The following NR2C2 variants were observed in gnomAD, a reference collection of about 807,000 sequenced individuals.
NR2C2 encodes Nuclear hormone receptor TR4.
In NR2C2, 6 loss-of-function variants were observed where a neutral mutation model predicts 62.9. The ratio of observed to expected loss-of-function variants is 0.10; its 90% CI spans 0.05 to 0.19. The LOEUF is 0.19. Among genes scored for constraint, NR2C2 ranks in the 10% least tolerant of loss-of-function variants. NR2C2 has a pLI of 1.00. For synonymous variants in NR2C2, 272 were observed against 273.8 expected, an observed-to-expected ratio of 0.99 and a Z score of 0.07; for missense variants, 479 against 762.7, an observed-to-expected ratio of 0.63 and a Z score of 4.38.
chr3:15,000,086 T>A (rs948420898), intron 1 of NR2C2, among the ~76,000 whole-genome samples: 3 of 152,092 alleles, frequency 2.0e-5, no homozygotes, highest in Admixed American at 2.0e-4. Flanking sequence ...TTAACTGTAT[T>A]CGCCATGCTG....
chr3:14,998,697 G>A (rs898604741), intron 1 of NR2C2, among the ~76,000 whole-genome samples: 1 of 151,798 alleles, frequency 6.6e-6, no homozygotes, highest in African/African-American at 2.4e-5. Flanking sequence ...TTCCTTGATG[G>A]TGTCTTTTGA....
intron 10 of NR2C2, among the ~76,000 whole-genome samples, chr3:15,032,823 C>T (rs949636429): frequency 3.3e-5 from 5 of 152,138 alleles, no homozygotes; most frequent in African/African-American, 1.2e-4. Flanking sequence ...AAACTGAAGC[C>T]AGGCCGGGAA....
chr3:14,970,264 CGGGGGTG>C (rs1340946294), intron 1 of NR2C2, among the ~76,000 whole-genome samples: 5 of 17,960 alleles, frequency 2.8e-4, no homozygotes, highest in Admixed American at 7.7e-4. Flanking sequence ...TTTTGGGGGC[CGGGGGTG>C]GGGGGTGGGG....
At chr3:14,951,639 G>A (rs1361859385) in intron 1 of NR2C2, among the ~76,000 whole-genome samples, 1 of 152,036 alleles carries the variant, frequency 6.6e-6, no homozygotes, top group Non-Finnish European at 1.5e-5. Flanking sequence ...ATTGCTTTCA[G>A]TAGTTGTATT....
intron 1 of NR2C2, among the ~76,000 whole-genome samples, chr3:14,984,461 A>G (rs1394166365): frequency 6.6e-6 from 1 of 152,198 alleles, no homozygotes; most frequent in Non-Finnish European, 1.5e-5. Context: ...TCTTCTGAGT[A>G]TAGCTCTAGC....
intron 4 of NR2C2, among the ~76,000 whole-genome samples, chr3:15,018,349 C>G (rs955661248): frequency 8.5e-5 from 13 of 152,176 alleles, no homozygotes; most frequent in African/African-American, 3.1e-4. Flanking sequence ...ACCATGCAAA[C>G]TGTACACCTG....
At position 15,043,091 on chromosome 3, in the gene NR2C2, G is replaced by A. The variant is rs1403935561; in HGVS notation, c.*83G>A. 1.9e-5 allele frequency: 25 copies of A among 1,338,388 alleles called. No individual in the cohort carries two copies. The highest frequency in any genetic ancestry group is 2.3e-5 in the Non-Finnish European group (23 of 995,644). 82.9% of individuals were successfully genotyped at this position (1,338,388 alleles called of 1,614,324 possible). ...AAGAAAAGTAGTGGTATTTTGGTAT[G>A]TGCAAATATTTCCATATGTTAGCCA... On this transcript the variant is annotated 3_prime_UTR_variant, in exon 14 of 14. Transcript: ENST00000425241.
intron 1 of NR2C2, among the ~76,000 whole-genome samples, chr3:14,965,634 C>T (rs1294660018): frequency 5.3e-5 from 7 of 132,314 alleles, no homozygotes; most frequent in African/African-American, 2.2e-4. Flanking sequence ...CCTAGATTTC[C>T]TTGCTGTTTT....
intron 2 of NR2C2, among the ~76,000 whole-genome samples, chr3:15,006,933 G>A (rs1286306343): frequency 6.6e-6 from 1 of 150,464 alleles, no homozygotes; most frequent in African/African-American, 2.4e-5. Context: ...GCGCCACCAC[G>A]CCAGGCTAAT....
intron 7 of NR2C2, chr3:15,025,653 T>C (rs1408573244): frequency 6.6e-6 from 1 of 152,244 alleles, no homozygotes; most frequent in Non-Finnish European, 1.5e-5. Context: ...TTAAAATAAT[T>C]TACTATGAAG....
At chr3:14,965,606 C>A (rs146341186) in intron 1 of NR2C2, among the ~76,000 whole-genome samples, 21 of 149,016 alleles carry the variant, frequency 1.4e-4, no homozygotes, top group African/African-American at 2.2e-4. Context: ...AAAAGCAATC[C>A]TCCTGTTTAA....
rs371791022 is a variant in NR2C2, at chr3:15,013,648, C to T, written c.132C>T (p.Ser44=). 8.1e-6 allele frequency: 13 copies of T among 1,614,128 alleles called. No individual in the cohort carries two copies. The highest frequency in any genetic ancestry group is 5.0e-5 in the Admixed American group (3 of 60,018). ...KIQIVTAVDA[S]GSPKQQFILT... ...AGATAGTCACCGCAGTGGACGCCTCCGGATCCCCCAAACAGCAGTTCATCC... is the reference window on the plus strand; with the variant it reads ...AGATAGTCACCGCAGTGGACGCCTCTGGATCCCCCAAACAGCAGTTCATCC... The change falls in exon 3 of 14, where the codon TCC becomes TCT. Residue 44 remains serine (S), a synonymous_variant. Coordinates refer to ENST00000425241, the MANE Select transcript of NR2C2 (RefSeq NM_001291694.2).
Position 15,044,322 on chromosome 3 carries a change from G to A in NR2C2, c.*1314G>A, listed in dbSNP as rs2042376429. The A allele has an allele frequency of 6.6e-6, 1 of 152,158 alleles. No individual in the cohort carries two copies. Among genetic ancestry groups the A allele is most frequent in the African/African-American group, 2.4e-5 (1 of 41,424 alleles). The allele number at this position is 152,158 out of a possible 1,614,324, so 9.4% of individuals were successfully genotyped here. A position where few individuals can be genotyped will look rare whatever the true frequency, so the allele number is the denominator to read the frequency against. On this transcript the variant is annotated 3_prime_UTR_variant, in exon 14 of 14. Transcript: ENST00000425241. ...ACACTGTGCACTTTGGTTCCCCCAG[G>A]TGTGTGCCAGCCGACCACCCCGGAG... is the stretch of plus-strand genomic sequence containing the variant.
chr3:15,036,697 G>T (rs200188397), intron 11 of NR2C2, among the ~76,000 whole-genome samples: 1 of 152,170 alleles, frequency 6.6e-6, no homozygotes, highest in Admixed American at 6.5e-5. Flanking sequence ...TCGCTGTGCT[G>T]CCTAGGCTTG....
At chr3:15,034,627 A>G in intron 10 of NR2C2, 43 bp from the exon 11 acceptor site, 1 of 1,596,192 alleles carries the variant, frequency 6.3e-7, no homozygotes, top group Non-Finnish European at 8.6e-7. Flanking sequence ...CCTTGGAGAA[A>G]TGCCAACACA....
At chr3:15,032,283 C>A in intron 9 of NR2C2, 96 bp from the exon 10 acceptor site, 1 of 1,537,282 alleles carries the variant, frequency 6.5e-7, no homozygotes, top group South Asian at 1.1e-5. Flanking sequence ...CTCTAGATGC[C>A]ACTGCTATTG....
Position 15,013,747 on chromosome 3 carries a change from C to T in NR2C2, c.231C>T (p.Leu77=). Residue 77 remains leucine, a synonymous_variant, in exon 3 of 14, where the codon CTC becomes CTT. Transcript: ENST00000425241. ...ASPETSSAKQ[L]IFTTSDNLVP... ...CAGAGACATCCAGCGCCAAGCAACT[C>T]ATATTCACCACCTCAGACAACCTCG... is the stretch of plus-strand genomic sequence containing the variant. 1 of 1,614,240 alleles carries T rather than the reference C, an allele frequency of 6.2e-7. No homozygotes were observed. The highest frequency in any genetic ancestry group is 1.3e-5 in the African/African-American group (1 of 75,072).
chr3:15,029,702 C>T (rs1165503069), intron 8 of NR2C2, among the ~76,000 whole-genome samples: 1 of 152,020 alleles, frequency 6.6e-6, no homozygotes, highest in Non-Finnish European at 1.5e-5. Context: ...CAGCTATAAT[C>T]CCAGCACTTA....
intron 10 of NR2C2, 60 bp downstream of exon 10, chr3:15,032,560 G>A: frequency 6.2e-7 from 1 of 1,604,534 alleles, no homozygotes; most frequent in Non-Finnish European, 8.5e-7. Context: ...CCCTAGGAAT[G>A]ACCTGGAAGA....
Sources: gnomAD v4.1 joint callset for allele counts (sites outside exome capture counted in the v4.1 genomes callset) on GRCh38, gnomAD v4.1.1 for gene constraint, MANE v1.5 for transcripts, NCBI Gene and HGNC (gene_info 2026-07-23, HGNC 2026-07-21) for gene names.